RIMS2: variants seen among roughly 807,000 people sequenced by gnomAD.
RIMS2 encodes regulating synaptic membrane exocytosis protein 2.
Under a neutral mutation model 174.4 loss-of-function variants are expected in RIMS2, and 59 were observed. The ratio of observed to expected loss-of-function variants is 0.34; its 90% CI spans 0.27 to 0.42. The LOEUF is 0.42. Ranked by LOEUF, RIMS2 falls within the 10% of genes least tolerant of loss-of-function variation. The probability of loss-of-function intolerance (pLI) is 1.00; values close to 1 mark genes in which losing one functional copy is unlikely to be tolerated. For missense variants in RIMS2, 1,620 were observed against 1,666.3 expected, an observed-to-expected ratio of 0.97 and a Z score of 0.48; for synonymous variants, 606 against 572.5, an observed-to-expected ratio of 1.06 and a Z score of -0.84.
At chr8:104,062,094 G>T (rs1463716655) in intron 19 of RIMS2, among the ~76,000 whole-genome samples, 2 of 151,926 alleles carry the variant, frequency 1.3e-5, no homozygotes, top group Admixed American at 6.6e-5. Flanking sequence ...TTTAGATATT[G>T]AAAGAACAAT....
chr8:103,859,846 A>G (rs1222885473), intron 3 of RIMS2, among the ~76,000 whole-genome samples: 1 of 152,056 alleles, frequency 6.6e-6, no homozygotes, highest in Non-Finnish European at 1.5e-5. Context: ...GGGCAGAGGG[A>G]AGAGACTGGA....
At chr8:103,801,263 A>C (rs1047308275) in intron 3 of RIMS2, among the ~76,000 whole-genome samples, 1 of 152,232 alleles carries the variant, frequency 6.6e-6, no homozygotes, top group African/African-American at 2.4e-5. Context: ...CTGGGATTAC[A>C]GGCATGGGCC....
At chr8:103,732,148 A>G (rs781115279) in intron 2 of RIMS2, among the ~76,000 whole-genome samples, 2 of 152,226 alleles carry the variant, frequency 1.3e-5, no homozygotes, top group Non-Finnish European at 2.9e-5. Flanking sequence ...AGCCATATCT[A>G]CGTAAGGGGG....
chr8:103,568,900 A>T (rs1007279958), intron 1 of RIMS2: 57 of 1,092,636 alleles, frequency 5.2e-5, no homozygotes, highest in Middle Eastern at 2.1e-4. Context: ...GGAAGACCAC[A>T]TTGCTGCAAC....
At chr8:103,974,140 A>G (rs934563009) in intron 15 of RIMS2, among the ~76,000 whole-genome samples, 4 of 152,090 alleles carry the variant, frequency 2.6e-5, no homozygotes, top group African/African-American at 4.8e-5. Context: ...TTCTTGCCCT[A>G]TTCTGCTCTT....
At chr8:104,065,890 CT>C (rs1477877247) in intron 19 of RIMS2, among the ~76,000 whole-genome samples, 1 of 152,108 alleles carries the variant, frequency 6.6e-6, no homozygotes, top group Non-Finnish European at 1.5e-5. Context: ...TTGCATCTTG[CT>C]TTGTTTATCC....
chr8:103,575,068 C>T (rs1476824464), intron 1 of RIMS2, among the ~76,000 whole-genome samples: 1 of 152,066 alleles, frequency 6.6e-6, no homozygotes, highest in African/African-American at 2.4e-5. Flanking sequence ...GACTCATATC[C>T]AGAATATATA....
intron 3 of RIMS2, among the ~76,000 whole-genome samples, chr8:103,784,791 TCCAA>T (rs2098425469): frequency 1.0e-5 from 1 of 96,990 alleles, no homozygotes; most frequent in Non-Finnish European, 2.1e-5. Context: ...AGTAGTTTTT[TCCAA>T]TTCTGTGAAG....
chr8:104,006,324 C>T (rs1286472868), intron 17 of RIMS2, among the ~76,000 whole-genome samples: 4 of 151,960 alleles, frequency 2.6e-5, no homozygotes, highest in Non-Finnish European at 5.9e-5. Context: ...CCGAGGTGGG[C>T]GGATCACCTT....
chr8:103,667,000 T>C (rs985903981), intron 1 of RIMS2, among the ~76,000 whole-genome samples: 4 of 152,204 alleles, frequency 2.6e-5, no homozygotes, highest in African/African-American at 7.2e-5. Context: ...TTTGAGAGAA[T>C]ACAGTGCACC....
chr8:103,794,196 T>C (rs201876578), intron 3 of RIMS2, among the ~76,000 whole-genome samples: 18 of 151,966 alleles, frequency 1.2e-4, no homozygotes, highest in Admixed American at 2.6e-4. Flanking sequence ...TACAAGGCTA[T>C]AGTAATCAAA....
chr8:104,076,540 G>A (rs1326907103), intron 19 of RIMS2, among the ~76,000 whole-genome samples: 2 of 152,098 alleles, frequency 1.3e-5, no homozygotes, highest in African/African-American at 4.8e-5. Flanking sequence ...AGCAGACACA[G>A]ATTTATAGCA....
chr8:103,555,348 A>C (rs963616879), intron 1 of RIMS2, among the ~76,000 whole-genome samples: 1 of 152,200 alleles, frequency 6.6e-6, no homozygotes, highest in East Asian at 1.9e-4. Flanking sequence ...AATGACTACT[A>C]TAAAAAAGGT....
intron 19 of RIMS2, among the ~76,000 whole-genome samples, chr8:104,186,471 T>C (rs2098968499): frequency 6.6e-6 from 1 of 151,768 alleles, no homozygotes; most frequent in Admixed American, 6.6e-5. Context: ...GCTAAAATAT[T>C]TCTACTACTC....
intron 3 of RIMS2, among the ~76,000 whole-genome samples, chr8:103,773,098 A>G (rs950077651): frequency 6.6e-6 from 1 of 152,122 alleles, no homozygotes; most frequent in Non-Finnish European, 1.5e-5. Context: ...AGGGTAATCA[A>G]TAATTTCTTA....
In RIMS2 at chr8:103,921,754, T is replaced by C. The variant is rs1595189710; in HGVS notation, c.2166T>C (p.Asp722=). 6.6e-7 allele frequency: 1 copy of C among 1,505,790 alleles called. No individual in the cohort carries two copies. Among genetic ancestry groups the C allele is most frequent in the Non-Finnish European group, 9.2e-7 (1 of 1,081,772 alleles). 93.3% of individuals were successfully genotyped at this position (1,505,790 alleles called of 1,614,324 possible). Residue 722 remains aspartate, a synonymous_variant, in exon 10 of 24, where the codon GAT becomes GAC. Transcript: ENST00000504942. Reference sequence around the variant, plus strand: ...CCATGAGTCCTGGAATGTTGAGGGATGTCCCACAGTTCTTATCAGGACAAC... The same window carrying C: ...CCATGAGTCCTGGAATGTTGAGGGACGTCCCACAGTTCTTATCAGGACAAC...
At chr8:103,622,415 TA>T (rs1303742723) in intron 1 of RIMS2, among the ~76,000 whole-genome samples, 1 of 152,104 alleles carries the variant, frequency 6.6e-6, no homozygotes, top group Non-Finnish European at 1.5e-5. Flanking sequence ...ACAAAACACA[TA>T]AAAATGTTAC....
intron 1 of RIMS2, among the ~76,000 whole-genome samples, chr8:103,590,213 A>G (rs907496461): frequency 2.6e-5 from 4 of 151,388 alleles, no homozygotes; most frequent in Non-Finnish European, 4.4e-5. Flanking sequence ...TACACCTACT[A>G]TGTATCCACA....
chr8:104,123,950 G>T lies in RIMS2; in HGVS notation c.3334+109335G>T, dbSNP rs550012595. Among the ~76,000 whole-genome samples the T allele has an allele frequency of 6.0e-4, 91 of 152,126 alleles. 4 individuals carry two copies. The South Asian group carries it at 0.019, about 31-fold the overall frequency. On this transcript the variant is annotated intron_variant, in intron 19 of 23. Coordinates refer to ENST00000504942, the Ensembl canonical transcript of RIMS2. ...TATACTGTCTGCCATGTGCAATAAA[G>T]CAAAGCTCAATAAAATAAAGTATGC...
Sources: gnomAD v4.1 joint callset for allele counts (sites outside exome capture counted in the v4.1 genomes callset) on GRCh38, gnomAD v4.1.1 for gene constraint, MANE v1.5 for transcripts, NCBI Gene and HGNC (gene_info 2026-07-23, HGNC 2026-07-21) for gene names.